The following EHD4 variants were observed in gnomAD, a reference collection of about 807,000 sequenced individuals.
EHD4 encodes EH domain-containing protein 4.
Under a neutral mutation model 51.0 loss-of-function variants are expected in EHD4, and 37 were observed. That is an observed-to-expected ratio of 0.73 (90% CI 0.56 to 0.95). EHD4 has a LOEUF of 0.95. EHD4 is among the 40% of genes least tolerant of loss of function. The probability of loss-of-function intolerance (pLI) is 0.00; values close to 1 mark genes in which losing one functional copy is unlikely to be tolerated. For missense variants in EHD4, 632 were observed against 733.1 expected, an observed-to-expected ratio of 0.86 and a Z score of 1.59; for synonymous variants, 297 against 317.3, an observed-to-expected ratio of 0.94 and a Z score of 0.68.
At position 41,964,193 on chromosome 15, in the gene EHD4, A is replaced by T. The variant is rs532532398; in HGVS notation, c.236+8066T>A. ...AAGGACAAGACCAACACTTCAAATG[A>T]AAATTGGACAAAGTTCACAGACAAT... On this transcript the variant is annotated intron_variant, in intron 1 of 5. Transcript: ENST00000220325. Among the ~76,000 whole-genome samples the T allele has an allele frequency of 1.4e-3, 211 of 152,070 alleles. 2 individuals are homozygous for T. Among genetic ancestry groups the T allele is most frequent in the African/African-American group, 4.8e-3 (201 of 41,490 alleles).
rs1283823272 is a variant in EHD4, at chr15:41,897,486, A to C, written c.*3159T>G. 1.3e-5 allele frequency: 2 copies of C among 152,378 alleles called. No individual in the cohort carries two copies. Among genetic ancestry groups the C allele is most frequent in the East Asian group, 3.8e-4 (2 of 5,202 alleles). The allele number at this position is 152,378 out of a possible 1,614,324, so 9.4% of individuals were successfully genotyped here. A position where few individuals can be genotyped will look rare whatever the true frequency, so the allele number is the denominator to read the frequency against. ...CCAACTGAATGAATGACCCTCCCCC[A>C]GAAGAGCAACCCTGCCCCCAGGCCA... On this transcript the variant is annotated 3_prime_UTR_variant, in exon 6 of 6. Transcript: ENST00000220325.
rs2067450493 is a variant in EHD4 at position 41,897,959 on chromosome 15, T to C, written c.*2686A>G. ...CAGGGTCGGCCCTGCCGCCCTGCCG[T>C]GTGGGGTAGGGAGACAGCTGGTGGT... On this transcript the variant is annotated 3_prime_UTR_variant, in exon 6 of 6. Transcript: ENST00000220325. 6.6e-6 allele frequency: 1 copy of C among 152,212 alleles called. No individual in the cohort carries two copies. The highest frequency in any genetic ancestry group is 2.1e-4 in the South Asian group (1 of 4,830). 9.4% of individuals were successfully genotyped at this position (152,212 alleles called of 1,614,324 possible). A position where few individuals can be genotyped will look rare whatever the true frequency, so the allele number is the denominator to read the frequency against.
intron 1 of EHD4, among the ~76,000 whole-genome samples, chr15:41,967,192 C>T (rs1364381345): frequency 6.6e-6 from 1 of 152,242 alleles, no homozygotes. Flanking sequence ...CCCACCCTCA[C>T]TCCCTGGCCC....
intron 3 of EHD4, among the ~76,000 whole-genome samples, chr15:41,923,168 T>G (rs1215776373): frequency 1.3e-5 from 2 of 152,136 alleles, no homozygotes; most frequent in Admixed American, 1.3e-4. Context: ...CTCCTCTCTC[T>G]AGCCCCTGGC....
intron 3 of EHD4, among the ~76,000 whole-genome samples, chr15:41,920,761 C>A (rs1334432884): frequency 2.6e-5 from 4 of 152,194 alleles, no homozygotes; most frequent in Non-Finnish European, 5.9e-5. Flanking sequence ...CACTTGTCAA[C>A]ACAGGTAAAT....
At chr15:41,954,855 C>T (rs1355818730) in intron 1 of EHD4, among the ~76,000 whole-genome samples, 2 of 152,218 alleles carry the variant, frequency 1.3e-5, no homozygotes, top group Non-Finnish European at 2.9e-5. Context: ...GTCTTGAATG[C>T]CTGGGCTCAA....
intron 2 of EHD4, among the ~76,000 whole-genome samples, chr15:41,953,329 T>C (rs1173115048): frequency 6.6e-6 from 1 of 152,214 alleles, no homozygotes; most frequent in Non-Finnish European, 1.5e-5. Flanking sequence ...TCCATTTCTG[T>C]GCAGCTCAAA....
chr15:41,923,341 C>T (rs551272729), intron 3 of EHD4, among the ~76,000 whole-genome samples: 4 of 152,238 alleles, frequency 2.6e-5, no homozygotes, highest in South Asian at 2.1e-4. Context: ...CTGAATAGGT[C>T]GGCTTGATTC....
At chr15:41,949,536 T>A (rs543833671) in intron 2 of EHD4, among the ~76,000 whole-genome samples, 22 of 152,246 alleles carry the variant, frequency 1.4e-4, no homozygotes, top group African/African-American at 4.8e-4. Context: ...TGGTTGTTTA[T>A]CATCACCATC....
chr15:41,928,105 G>A (rs2067674889), intron 3 of EHD4, among the ~76,000 whole-genome samples: 1 of 152,204 alleles, frequency 6.6e-6, no homozygotes, highest in African/African-American at 2.4e-5. Context: ...TCAGGGCAAG[G>A]AGTCTCTGCA....
chr15:41,918,932 T>C (rs2067603657), intron 4 of EHD4, among the ~76,000 whole-genome samples: 1 of 152,244 alleles, frequency 6.6e-6, no homozygotes, highest in African/African-American at 2.4e-5. Context: ...CCAAGTGCTC[T>C]GTCACACTGA....
chr15:41,944,544 G>C (rs533649081), intron 2 of EHD4, among the ~76,000 whole-genome samples: 1 of 152,190 alleles, frequency 6.6e-6, no homozygotes, highest in East Asian at 1.9e-4. Flanking sequence ...ACAGCCCTGG[G>C]TATGAGCGGC....
At chr15:41,909,256 C>A (rs2067533022) in intron 5 of EHD4, among the ~76,000 whole-genome samples, 1 of 152,240 alleles carries the variant, frequency 6.6e-6, no homozygotes, top group Non-Finnish European at 1.5e-5. Context: ...CCCCACAGCC[C>A]CTGCTGGAGC....
At chr15:41,913,847 T>G (rs2067565422) in intron 4 of EHD4, among the ~76,000 whole-genome samples, 1 of 152,216 alleles carries the variant, frequency 6.6e-6, no homozygotes, top group African/African-American at 2.4e-5. Flanking sequence ...TTGCCTTGTG[T>G]AAACTTGCAG....
At chr15:41,939,469 T>C (rs975856197) in intron 3 of EHD4, among the ~76,000 whole-genome samples, 14 of 147,812 alleles carry the variant, frequency 9.5e-5, no homozygotes, top group Admixed American at 4.7e-4. Flanking sequence ...CCGAGGCGGG[T>C]GGATCACACC....
Position 41,919,330 on chromosome 15 carries a change from C to G in EHD4, c.804G>C (p.Thr268=). The change falls in exon 4 of 6, where the codon ACG becomes ACC. Residue 268 remains threonine (T), a synonymous_variant. Coordinates refer to ENST00000220325, the MANE Select transcript of EHD4 (RefSeq NM_139265.4). ...CAGCCTCGAAGAGCCGGCGGTTGTC[C>G]GTGTTCTGCAGGGGCTGCGCCCAGA... ...GSFWAQPLQN[T]DNRRLFEAEA... is the part of the protein sequence containing the mutation. 1 of 1,614,196 alleles carries G rather than the reference C, an allele frequency of 6.2e-7. No individual in the cohort carries two copies. The highest frequency in any genetic ancestry group is 8.5e-7 in the Non-Finnish European group (1 of 1,180,030).
intron 2 of EHD4, among the ~76,000 whole-genome samples, chr15:41,948,334 T>A (rs2067829074): frequency 6.6e-6 from 1 of 152,144 alleles, no homozygotes; most frequent in African/African-American, 2.4e-5. Flanking sequence ...TATTGTTATT[T>A]TTTTAGGGAC....
intron 3 of EHD4, among the ~76,000 whole-genome samples, chr15:41,933,328 C>T (rs549679871): frequency 6.6e-6 from 1 of 152,312 alleles, no homozygotes; most frequent in South Asian, 2.1e-4. Context: ...TGCTGTTTCC[C>T]TCTCACTCTG....
rs138369550 is a variant in EHD4, at chr15:41,932,109, C to T, written c.511+10958G>A. On this transcript the variant is annotated intron_variant, in intron 3 of 5. Transcript: ENST00000220325. ...AAATCCACTGTGGCACTGTTTGTAA[C>T]GGCAAAAGATTAGGAACAGCCTGAA... is the stretch of plus-strand genomic sequence containing the variant. Among the ~76,000 whole-genome samples, 257 of 152,252 alleles carry T rather than the reference C, an allele frequency of 1.7e-3. 1 individual carries two copies. Among genetic ancestry groups the T allele is most frequent in the African/African-American group, 4.5e-3 (185 of 41,534 alleles).
Sources: gnomAD v4.1 joint callset for allele counts (sites outside exome capture counted in the v4.1 genomes callset) on GRCh38, gnomAD v4.1.1 for gene constraint, MANE v1.5 for transcripts, NCBI Gene and HGNC (gene_info 2026-07-23, HGNC 2026-07-21) for gene names.